The following NRG1 variants were observed in gnomAD, a reference collection of about 807,000 sequenced individuals.
NRG1 encodes the protein neuregulin 1.
NRG1 carries 18 observed loss-of-function variants against 63.8 expected under a neutral mutation model. That is an observed-to-expected ratio of 0.28 (90% CI 0.19 to 0.42). NRG1 has a LOEUF of 0.42. NRG1 is among the 10% of genes least tolerant of loss of function. The pLI, the probability that NRG1 is intolerant of heterozygous loss-of-function variation, is 1.00. For missense variants in NRG1, 762 were observed against 814.7 expected, an observed-to-expected ratio of 0.94 and a Z score of 0.79; for synonymous variants, 302 against 301.3, an observed-to-expected ratio of 1.00 and a Z score of -0.02.
intron 1 of NRG1, among the ~76,000 whole-genome samples, chr8:32,299,025 C>CAAAA (rs34799826): frequency 4.1e-3 from 239 of 57,772 alleles, no homozygotes; most frequent in East Asian, 0.012. Flanking sequence ...GACTCTATCT[C>CAAAA]AAAAAAAAAA....
chr8:32,323,758 C>T (rs1257999617), intron 1 of NRG1, among the ~76,000 whole-genome samples: 1 of 152,140 alleles, frequency 6.6e-6, no homozygotes, highest in Non-Finnish European at 1.5e-5. Flanking sequence ...GATTCAATAT[C>T]TGGGTTGATC....
intron 1 of NRG1, among the ~76,000 whole-genome samples, chr8:31,909,100 C>T (rs905892878): frequency 1.3e-5 from 2 of 152,102 alleles, no homozygotes; most frequent in African/African-American, 2.4e-5. Flanking sequence ...AAAAGCTACA[C>T]TTTGTGGCCC....
At chr8:32,722,790 A>G (rs542296503) in intron 5 of NRG1, among the ~76,000 whole-genome samples, 12 of 152,310 alleles carry the variant, frequency 7.9e-5, no homozygotes, top group South Asian at 2.1e-4. Context: ...TGCATTTATG[A>G]TATTAATTTC....
chr8:32,763,161 G>T, intron 11 of NRG1: 3 of 1,557,316 alleles, frequency 1.9e-6, no homozygotes, highest in Non-Finnish European at 2.6e-6. Context: ...GCACACAAAT[G>T]TATGACACTG....
intron 1 of NRG1, among the ~76,000 whole-genome samples, chr8:32,271,924 G>A (rs896201124): frequency 3.3e-5 from 5 of 152,152 alleles, no homozygotes; most frequent in African/African-American, 1.2e-4. Flanking sequence ...GGGCTCAGAG[G>A]CAGTCCAGAC....
At chr8:32,293,422 C>A (rs118093461) in intron 1 of NRG1, among the ~76,000 whole-genome samples, 2,790 of 152,222 alleles carry the variant, frequency 0.018, 49 homozygotes, top group Non-Finnish European at 0.027. Context: ...TTCCCTGGAG[C>A]CTCCGGAGGA....
In NRG1 at chr8:32,617,532, C is replaced by G. The variant is rs1201749514; in HGVS notation, c.502+647C>G. 3.3e-5 allele frequency among the ~76,000 whole-genome samples: 5 copies of G among 152,228 alleles called. No homozygotes were observed. The East Asian group carries it at 7.7e-4, about 23-fold the overall frequency. On this transcript the variant is annotated intron_variant, in intron 5 of 11. Coordinates refer to ENST00000356819, the Ensembl canonical transcript of NRG1. ...GGGGAACTTAAAATATTAGCAAGGA[C>G]TAGTATAAAGAGTTTTTGATACTTA... is the stretch of plus-strand genomic sequence containing the variant.
chr8:32,482,397 T>TC (rs1461668873), intron 1 of NRG1, among the ~76,000 whole-genome samples: 1 of 120,028 alleles, frequency 8.3e-6, no homozygotes, highest in Non-Finnish European at 1.8e-5. Context: ...TCTTTCTACT[T>TC]TTGTGTGTGT....
chr8:31,650,148 T>C (rs1804691882), intron 1 of NRG1, among the ~76,000 whole-genome samples: 1 of 152,098 alleles, frequency 6.6e-6, no homozygotes, highest in South Asian at 2.1e-4. Flanking sequence ...CAGCTAATTT[T>C]TGTATTTTTT....
Position 32,034,565 on chromosome 8 carries a change from A to G in NRG1, c.37+395134A>G, listed in dbSNP as rs147322210. On this transcript the variant is annotated intron_variant, in intron 1 of 10. Coordinates refer to the NRG1 transcript ENST00000519301. ...TACCTCTGATAGAATTCAGCTGTAG[A>G]CCAGTCTATTCCTGGGCATTATTTG... Among the ~76,000 whole-genome samples the G allele has an allele frequency of 7.6e-3, 1,150 of 152,258 alleles. 18 individuals carry two copies. The highest frequency in any genetic ancestry group is 0.027 in the African/African-American group (1,102 of 41,536).
intron 5 of NRG1, among the ~76,000 whole-genome samples, chr8:32,622,437 C>A (rs1292431081): frequency 6.6e-6 from 1 of 152,122 alleles, no homozygotes; most frequent in Non-Finnish European, 1.5e-5. Context: ...GGGTTTCTCT[C>A]TGTCACCCAG....
At chr8:32,481,486 A>G (rs1563523472) in intron 1 of NRG1, among the ~76,000 whole-genome samples, 1 of 152,244 alleles carries the variant, frequency 6.6e-6, no homozygotes, top group Non-Finnish European at 1.5e-5. Flanking sequence ...AAGCAAGAAA[A>G]GTTAGCCATT....
At chr8:31,802,405 G>A (rs56222511) in intron 1 of NRG1, among the ~76,000 whole-genome samples, 31,187 of 151,894 alleles carry the variant, frequency 0.21, 4,345 homozygotes, top group East Asian at 0.66. Context: ...TAAATTCCTC[G>A]TACATACAAG....
chr8:31,793,859 A>G (rs776584829), intron 1 of NRG1, among the ~76,000 whole-genome samples: 2 of 152,076 alleles, frequency 1.3e-5, no homozygotes, highest in African/African-American at 2.4e-5. Context: ...TTTGAACAGC[A>G]TCTTCTTTTT....
rs138995004 is a variant in NRG1 at position 31,777,839 on chromosome 8, T to C, written c.37+138408T>C. ...GTGGGGAGACTCTTGTGGGAACTAA[T>C]AGAGTGAAAACTCAGTCATTACCTT... is the stretch of plus-strand genomic sequence containing the variant. On this transcript the variant is annotated intron_variant, in intron 1 of 10. Transcript: ENST00000519301. Among the ~76,000 whole-genome samples, 767 of 152,202 alleles carry C rather than the reference T, an allele frequency of 5.0e-3. 8 individuals carry two copies. The highest frequency in any genetic ancestry group is 0.018 in the African/African-American group (728 of 41,564).
At chr8:32,125,931 A>G (rs898608614) in intron 1 of NRG1, among the ~76,000 whole-genome samples, 1 of 151,956 alleles carries the variant, frequency 6.6e-6, no homozygotes, top group African/African-American at 2.4e-5. Flanking sequence ...TTCAGTTTGC[A>G]TGTGGAGTTC....
At chr8:31,657,246 G>A (rs1026467059) in intron 1 of NRG1, among the ~76,000 whole-genome samples, 28 of 152,134 alleles carry the variant, frequency 1.8e-4, no homozygotes, top group African/African-American at 6.5e-4. Context: ...TTAATACAGT[G>A]TAAATAAGCT....
chr8:31,889,361 G>A (rs1292947518), intron 1 of NRG1, among the ~76,000 whole-genome samples: 1 of 152,144 alleles, frequency 6.6e-6, no homozygotes, highest in Non-Finnish European at 1.5e-5. Flanking sequence ...ACGAGTGAGA[G>A]GAGACTTCAA....
At chr8:32,461,994 G>T (rs1822382233) in intron 1 of NRG1, among the ~76,000 whole-genome samples, 1 of 152,122 alleles carries the variant, frequency 6.6e-6, no homozygotes, top group Admixed American at 6.6e-5. Flanking sequence ...GCAAAACTCT[G>T]TTTGGCACCC....
Sources: gnomAD v4.1 joint callset for allele counts (sites outside exome capture counted in the v4.1 genomes callset) on GRCh38, gnomAD v4.1.1 for gene constraint, MANE v1.5 for transcripts, NCBI Gene and HGNC (gene_info 2026-07-23, HGNC 2026-07-21) for gene names.